Variants in PRIM2 observed in about 807,000 individuals in gnomAD.
PRIM2 encodes DNA primase subunit 2, also known as DNA primase large subunit.
PRIM2 carries 39 observed loss-of-function variants against 67.3 expected under a neutral mutation model. That is an observed-to-expected ratio of 0.58 (90% CI 0.45 to 0.76). The LOEUF (loss-of-function observed/expected upper bound fraction) is 0.76, where lower values mean the gene tolerates loss of function less well. Among genes scored for constraint, PRIM2 ranks in the 30% least tolerant of loss-of-function variants. The pLI, the probability that PRIM2 is intolerant of heterozygous loss-of-function variation, is 0.00. For synonymous variants in PRIM2, 143 were observed against 198.7 expected (o/e 0.72, Z 2.36); for missense variants, 398 against 598.7 (o/e 0.66, Z 3.50).
Position 57,324,188 on chromosome 6 carries a change from CATT to C in PRIM2, c.259-9_259-7del, listed in dbSNP as rs1262541280. The C allele has an allele frequency of 6.9e-7, 1 of 1,438,972 alleles. No homozygotes were observed. Among genetic ancestry groups the C allele is most frequent in the Non-Finnish European group, 9.7e-7 (1 of 1,027,320 alleles). The allele number at this position is 1,438,972 out of a possible 1,614,324, so 89.1% of individuals were successfully genotyped here. A position where few individuals can be genotyped will look rare whatever the true frequency, so the allele number is the denominator to read the frequency against. ...TAATGCATTTATTTTATTCATGTGTCATTATTTTTAAGGAAAACTTAGAAGATG... is the reference window on the plus strand; with the variant it reads ...TAATGCATTTATTTTATTCATGTGTCATTTTTAAGGAAAACTTAGAAGATG... On this transcript the variant is annotated splice_polypyrimidine_tract_variant and intron_variant, in intron 3 of 13. Coordinates refer to ENST00000615550, the MANE Select transcript of PRIM2 (RefSeq NM_000947.5).
chr6:57,638,044 C>T lies in PRIM2; in HGVS notation c.1299+5843C>T, dbSNP rs1307856694. Among the ~76,000 whole-genome samples the T allele has an allele frequency of 8.5e-5, 13 of 152,102 alleles. 1 individual carries two copies. In the South Asian group the frequency reaches 2.3e-3, roughly 27 times the overall value. ...AAAGGGAAACCCATCAGACTAACAG[C>T]GGATCTCTCTGCAGAAACCCTACAA... On this transcript the variant is annotated intron_variant, in intron 13 of 13. Transcript: ENST00000615550.
chr6:57,516,037 C>T (rs1256493831), intron 8 of PRIM2, among the ~76,000 whole-genome samples: 2 of 151,560 alleles, frequency 1.3e-5, no homozygotes, highest in African/African-American at 4.9e-5. Context: ...TTCCTAGAGG[C>T]CTCTGAAGTC....
intron 5 of PRIM2, among the ~76,000 whole-genome samples, chr6:57,370,909 G>T (rs1193828288): frequency 1.3e-5 from 2 of 151,966 alleles, no homozygotes; most frequent in South Asian, 4.1e-4. Flanking sequence ...TGTTGGCCAG[G>T]CTGGGCTCAA....
At chr6:57,408,955 T>C (rs2127362208) in intron 7 of PRIM2, among the ~76,000 whole-genome samples, 1 of 152,306 alleles carries the variant, frequency 6.6e-6, no homozygotes, top group Middle Eastern at 3.4e-3. Flanking sequence ...CTCAGCCTCA[T>C]CTATGTTGTT....
At chr6:57,519,435 G>C (rs1349740976) in intron 8 of PRIM2, among the ~76,000 whole-genome samples, 3 of 152,192 alleles carry the variant, frequency 2.0e-5, no homozygotes, top group African/African-American at 7.2e-5. Context: ...CCGCAGGCAC[G>C]CATTCTCTTT....
intron 8 of PRIM2, among the ~76,000 whole-genome samples, chr6:57,511,520 G>A (rs1333256621): frequency 6.6e-6 from 1 of 152,138 alleles, no homozygotes; most frequent in Non-Finnish European, 1.5e-5. Context: ...TAATTGAACT[G>A]TCTCCCTCGT....
the PRIM2 span, among the ~76,000 whole-genome samples, chr6:57,275,345 G>A: frequency 4.6e-5 from 7 of 152,012 alleles, no homozygotes; most frequent in Non-Finnish European, 8.8e-5. Context: ...ACAAATTAGC[G>A]AGGCGTGGTG....
chr6:57,232,352 A>C, the PRIM2 span, among the ~76,000 whole-genome samples: 8 of 152,326 alleles, frequency 5.3e-5, no homozygotes, highest in South Asian at 1.7e-3. Context: ...GGAGTTCGAG[A>C]CCAGCCTGAC....
the PRIM2 span, among the ~76,000 whole-genome samples, chr6:57,251,683 T>C: frequency 6.6e-6 from 1 of 152,224 alleles, no homozygotes; most frequent in Non-Finnish European, 1.5e-5. Flanking sequence ...GCAGATCCCA[T>C]CAAAAGATGT....
intron 5 of PRIM2, among the ~76,000 whole-genome samples, chr6:57,339,233 A>C (rs1014155230): frequency 3.3e-5 from 5 of 152,202 alleles, no homozygotes; most frequent in South Asian, 2.1e-4. Context: ...AGAACATTCC[A>C]TGCTCATGGG....
chr6:57,472,611 A>G (rs1463071918), intron 7 of PRIM2, among the ~76,000 whole-genome samples: 1 of 152,040 alleles, frequency 6.6e-6, no homozygotes, highest in Non-Finnish European at 1.5e-5. Context: ...CTTGATTTGT[A>G]TTTTTGTGTG....
At chr6:57,496,393 G>A (rs1296107868) in intron 7 of PRIM2, among the ~76,000 whole-genome samples, 9 of 152,184 alleles carry the variant, frequency 5.9e-5, no homozygotes, top group African/African-American at 2.2e-4. Flanking sequence ...CTATACTGCT[G>A]ACAGAAGATA....
At chr6:57,411,813 T>A (rs762185662) in intron 7 of PRIM2, among the ~76,000 whole-genome samples, 2 of 151,524 alleles carry the variant, frequency 1.3e-5, no homozygotes, top group Non-Finnish European at 3.0e-5. Flanking sequence ...TATCAGGTAA[T>A]GCTGACCTTG....
chr6:57,554,482 A>G (rs1235700772), intron 10 of PRIM2, among the ~76,000 whole-genome samples: 2 of 151,382 alleles, frequency 1.3e-5, no homozygotes, highest in African/African-American at 2.4e-5. Context: ...CTCTGTTGAT[A>G]AGAGCTCTAG....
At chr6:57,592,285 C>T (rs1227204153) in intron 10 of PRIM2, among the ~76,000 whole-genome samples, 1 of 152,180 alleles carries the variant, frequency 6.6e-6, no homozygotes, top group Non-Finnish European at 1.5e-5. Flanking sequence ...AACGGTATAA[C>T]AAACCTGCAT....
Position 57,379,934 on chromosome 6 carries a change from G to C in PRIM2, c.493G>C (p.Glu165Gln). 5.1e-6 allele frequency: 8 copies of C among 1,556,220 alleles called. No homozygotes were observed. Among genetic ancestry groups the C allele is most frequent in the Non-Finnish European group, 7.0e-6 (8 of 1,148,934 alleles). ...TGAAGAGAAGACTCTTCGAGAACAG[G>C]AGATTGTTGCCTCATCACCAAGTTT... ...SDEEKTLREQ[E>Q]IVASSPSLSG... The change falls in exon 6 of 14, where the codon GAG (glutamate) becomes CAG (glutamine). Residue 165 changes from glutamate to glutamine, a missense_variant. Glu to Gln is a conservative substitution (Grantham distance 29). This residue lies in a region of PRIM2 where 229 missense variants were observed against 383.6 expected (regional missense o/e 0.60). Transcript: ENST00000615550.
At chr6:57,266,328 T>G in the PRIM2 span, among the ~76,000 whole-genome samples, 1 of 152,168 alleles carries the variant, frequency 6.6e-6, no homozygotes. Context: ...GGTGCAAATA[T>G]CATCTCTGTC....
intron 7 of PRIM2, among the ~76,000 whole-genome samples, chr6:57,384,783 T>C (rs1228190089): frequency 1.3e-5 from 2 of 152,170 alleles, no homozygotes; most frequent in African/African-American, 4.8e-5. Flanking sequence ...ACACTGAATA[T>C]GAATTAAATG....
At chr6:57,325,796 G>C in intron 4 of PRIM2, 129 bp from the exon 5 acceptor site, 1 of 828,438 alleles carries the variant, frequency 1.2e-6, no homozygotes, top group Admixed American at 2.8e-5. Context: ...CGTGATAGAG[G>C]ACTTGCATGT....
Sources: gnomAD v4.1 joint callset for allele counts (sites outside exome capture counted in the v4.1 genomes callset) on GRCh38, gnomAD v4.1.1 for gene constraint, gnomAD v4.1.1 regional missense constraint, MANE v1.5 for transcripts, NCBI Gene and HGNC (gene_info 2026-07-23, HGNC 2026-07-21) for gene names.